GUSB: variants seen among roughly 807,000 people sequenced by gnomAD.
The protein encoded by GUSB is glucuronidase beta.
In GUSB, 51 loss-of-function variants were observed where a neutral mutation model predicts 74.6. That is an observed-to-expected ratio of 0.68 (90% CI 0.55 to 0.86). The LOEUF is 0.86. Ranked by LOEUF, GUSB falls within the 40% of genes least tolerant of loss-of-function variation. The pLI is 0.00. For missense variants in GUSB, 736 were observed against 853.7 expected (o/e 0.86, Z 1.72); for synonymous variants, 360 against 348.3 (o/e 1.03, Z -0.37).
At position 65,964,644 on chromosome 7, in the gene GUSB, A is replaced by T. The variant is rs550996303; in HGVS notation, c.1654-186T>A. Reference sequence around the variant, plus strand: ...ATGATGTAACCCAGAATAAAAAAGGAGGTTTAAAAAAAAAAACAACCTTAA... The same window carrying T: ...ATGATGTAACCCAGAATAAAAAAGGTGGTTTAAAAAAAAAAACAACCTTAA... On this transcript the variant is annotated intron_variant, in intron 10 of 11. Coordinates refer to ENST00000304895, the MANE Select transcript of GUSB (RefSeq NM_000181.4). 2.6e-5 allele frequency among the ~76,000 whole-genome samples: 4 copies of T among 152,084 alleles called. No individual in the cohort carries two copies. In the South Asian group the frequency reaches 8.3e-4, roughly 32 times the overall value.
intron 4 of GUSB, among the ~76,000 whole-genome samples, chr7:65,977,037 AAC>A: frequency 6.6e-6 from 1 of 152,052 alleles, no homozygotes; most frequent in Non-Finnish European, 1.5e-5. Context: ...TGCTTACAGT[AAC>A]ACCTCTTCCC....
intron 11 of GUSB, among the ~76,000 whole-genome samples, chr7:65,963,526 G>T (rs748607645): frequency 6.6e-6 from 1 of 152,058 alleles, no homozygotes; most frequent in East Asian, 1.9e-4. Flanking sequence ...ACAAGACACC[G>T]CAGATGTTAT....
At chr7:65,972,295 G>T (rs1791265934) in intron 8 of GUSB, among the ~76,000 whole-genome samples, 1 of 151,978 alleles carries the variant, frequency 6.6e-6, no homozygotes, top group African/African-American at 2.4e-5. Flanking sequence ...CCAAGTAGCT[G>T]GGATTACAGA....
intron 8 of GUSB, among the ~76,000 whole-genome samples, chr7:65,973,027 A>C (rs964232181): frequency 2.6e-5 from 4 of 152,180 alleles, no homozygotes; most frequent in African/African-American, 9.7e-5. Flanking sequence ...TTAGAACTGC[A>C]CGATTGTAAG....
chr7:65,982,037 G>A lies in GUSB; in HGVS notation c.147C>T (p.Ala49=), dbSNP rs375940373. 1.1e-4 allele frequency: 174 copies of A among 1,610,536 alleles called. 1 individual carries two copies. In the Middle Eastern group the frequency reaches 2.0e-3, roughly 19 times the overall value. ...KELDGLWSFR[A]DFSDNRRRGF... is the part of the protein sequence containing the mutation. ...CCCGGCGTCGGTTGTCAGAGAAGTC[G>A]GCGCGGAAGCTCCAGAGGCCGTCCA... The change falls in exon 1 of 12, where the codon GCC becomes GCT. Residue 49 remains alanine (A), a synonymous_variant. Transcript: ENST00000304895.
intron 8 of GUSB, among the ~76,000 whole-genome samples, chr7:65,971,865 A>G (rs1322985346): frequency 6.6e-6 from 1 of 150,960 alleles, no homozygotes; most frequent in Non-Finnish European, 1.5e-5. Context: ...ACACGGAGAA[A>G]CCCCATATCT....
Position 65,979,530 on chromosome 7 carries a change from C to A in GUSB, c.593G>T (p.Gly198Val). ...YLTDTSKYPK[G>V]YFVQNTYFDF... ...AAAATATGTGTTCTGGACAAAGTAA[C>A]CCTTGGGATACCTAGGATGGGAGGA... Residue 198 changes from glycine to valine, a missense_variant, in exon 4 of 12, where the codon GGT (glycine) becomes GTT (valine). Gly to Val is a moderately radical substitution (Grantham distance 109). Transcript: ENST00000304895. The A allele has an allele frequency of 6.2e-7, 1 of 1,614,168 alleles. No individual in the cohort carries two copies. The highest frequency in any genetic ancestry group is 8.5e-7 in the Non-Finnish European group (1 of 1,180,012).
intron 5 of GUSB, 78 bp from the exon 6 acceptor site, chr7:65,975,149 C>A: frequency 1.6e-6 from 2 of 1,261,574 alleles, no homozygotes; most frequent in South Asian, 2.4e-5. Flanking sequence ...CAGGAAGGCC[C>A]CTCGTGCACC....
At chr7:65,974,238 A>G in intron 8 of GUSB, 57 bp downstream of exon 8, 2 of 1,585,536 alleles carry the variant, frequency 1.3e-6, no homozygotes, top group Non-Finnish European at 1.7e-6. Flanking sequence ...CACCGAGGCC[A>G]GCCACCTGCC....
chr7:65,962,002 CAAA>C (rs11287621), intron 11 of GUSB, among the ~76,000 whole-genome samples: 4 of 142,146 alleles, frequency 2.8e-5, no homozygotes, highest in Admixed American at 7.0e-5. Flanking sequence ...ACTCCATCTC[CAAA>C]AAAAAAAAAA....
intron 4 of GUSB, 40 bp from the exon 5 acceptor site, chr7:65,976,242 C>T (rs928685571): frequency 7.5e-6 from 11 of 1,459,550 alleles, no homozygotes; most frequent in African/African-American, 6.9e-5. Flanking sequence ...GGGAGGGACA[C>T]GACCTGAGTC....
chr7:65,973,871 C>T (rs1486051953), intron 8 of GUSB, among the ~76,000 whole-genome samples: 1 of 151,852 alleles, frequency 6.6e-6, no homozygotes, highest in African/African-American at 2.4e-5. Context: ...GTCAAGGCTG[C>T]AGTAAGCCAA....
chr7:65,980,787 G>T (rs1228157496), intron 1 of GUSB: 1 of 348,262 alleles, frequency 2.9e-6, no homozygotes, highest in Non-Finnish European at 5.6e-6. Flanking sequence ...TGTGAGTGGG[G>T]TGCACACTGG....
intron 4 of GUSB, among the ~76,000 whole-genome samples, chr7:65,978,281 C>T (rs1412506856): frequency 6.6e-6 from 1 of 152,064 alleles, no homozygotes; most frequent in Non-Finnish European, 1.5e-5. Context: ...AACCCCATCT[C>T]TACTAAAAAT....
chr7:65,970,270 C>A lies in GUSB; in HGVS notation c.1476+12G>T, dbSNP rs750806680. On this transcript the variant is annotated intron_variant, in intron 9 of 11. Transcript: ENST00000304895. ...AGGCAGGGAGAAGTGGGGTGGGGAC[C>A]CCCAGGCTCACCCCCTTGTCTGCTG... 3 of 1,582,602 alleles carry A rather than the reference C, an allele frequency of 1.9e-6. No individual in the cohort carries two copies. The highest frequency in any genetic ancestry group is 2.6e-6 in the Non-Finnish European group (3 of 1,151,860).
At chr7:65,966,304 C>T (rs1790830177) in intron 10 of GUSB, among the ~76,000 whole-genome samples, 1 of 152,190 alleles carries the variant, frequency 6.6e-6, no homozygotes, top group Non-Finnish European at 1.5e-5. Flanking sequence ...TTTAAGGGTG[C>T]AAACAGAACA....
chr7:65,975,255 C>G (rs1034389469), intron 5 of GUSB, 184 bp from the exon 6 acceptor site: 2 of 631,974 alleles, frequency 3.2e-6, no homozygotes, highest in Admixed American at 4.8e-5. Flanking sequence ...CAAAACATGG[C>G]CTTCCCTTTG....
At chr7:65,964,288 G>T in intron 11 of GUSB, 35 bp downstream of exon 11, 1 of 1,585,328 alleles carries the variant, frequency 6.3e-7, no homozygotes, top group Non-Finnish European at 8.7e-7. Flanking sequence ...AAATGAGGAC[G>T]GGTACGTTAT....
In GUSB at chr7:65,974,558, G is replaced by A. The variant is rs375214425; in HGVS notation, c.1212C>T (p.Ile404=). ...QMCDRYGIVV[I]DECPGVGLAL... ...CCAGGCCCACGCCGGGACACTCATC[G>A]ATGACCACAATCCCATAGCGGTCAC... is the stretch of plus-strand genomic sequence containing the variant. Residue 404 remains isoleucine, a synonymous_variant, in exon 7 of 12, where the codon ATC becomes ATT. Transcript: ENST00000304895. 22 of 1,614,086 alleles carry A rather than the reference G, an allele frequency of 1.4e-5. No individual in the cohort carries two copies. The African/African-American group carries it at 1.6e-4, about 12-fold the overall frequency.
Sources: allele counts gnomAD v4.1 joint callset (sites outside exome capture counted in the v4.1 genomes callset), GRCh38; gene constraint gnomAD v4.1.1; transcripts MANE v1.5; gene names NCBI Gene and HGNC (gene_info 2026-07-23, HGNC 2026-07-21).